MBP: variants seen among roughly 807,000 people sequenced by gnomAD.
MBP encodes myelin basic protein, also known as Golli-MBP.
In MBP, 16 loss-of-function variants were observed where a neutral mutation model predicts 35.8. That is an observed-to-expected ratio of 0.45 (90% CI 0.30 to 0.68). MBP has a LOEUF of 0.68. Ranked by LOEUF, MBP falls within the 30% of genes least tolerant of loss-of-function variation. The pLI is 0.08. For missense variants in MBP, 380 were observed against 404.7 expected, an observed-to-expected ratio of 0.94 and a Z score of 0.52; for synonymous variants, 143 against 159.6, an observed-to-expected ratio of 0.90 and a Z score of 0.78.
chr18:77,111,871 A>G (rs957270338), intron 1 of MBP, among the ~76,000 whole-genome samples: 1 of 152,238 alleles, frequency 6.6e-6, no homozygotes, highest in African/African-American at 2.4e-5. Flanking sequence ...AACAAATTTC[A>G]AAGAACAAGC....
chr18:77,092,903 G>A (rs1294417682), intron 2 of MBP, among the ~76,000 whole-genome samples: 1 of 152,162 alleles, frequency 6.6e-6, no homozygotes, highest in African/African-American at 2.4e-5. Context: ...CACCGGCCCC[G>A]CGTGCGTATT....
chr18:76,980,547 C>T (rs1223731186), intron 8 of MBP, 76 bp from the exon 9 acceptor site: 1 of 1,157,554 alleles, frequency 8.6e-7, no homozygotes, highest in African/African-American at 1.5e-5. Context: ...CTTCTGTGGT[C>T]CCGGGTGGAT....
chr18:76,998,374 G>A (rs376485304), intron 4 of MBP, among the ~76,000 whole-genome samples: 1 of 152,106 alleles, frequency 6.6e-6, no homozygotes, highest in Non-Finnish European at 1.5e-5. Context: ...CGACATCCAC[G>A]GCACCGTATG....
intron 1 of MBP, among the ~76,000 whole-genome samples, chr18:77,111,700 C>T (rs2145166962): frequency 6.6e-6 from 1 of 152,326 alleles, no homozygotes; most frequent in African/African-American, 2.4e-5. Context: ...GGAGACCACG[C>T]CCTGGCTTGG....
chr18:77,049,080 C>T (rs1045741271), intron 3 of MBP, among the ~76,000 whole-genome samples: 12 of 152,020 alleles, frequency 7.9e-5, no homozygotes, highest in African/African-American at 2.9e-4. Flanking sequence ...CCACCACGCC[C>T]GGCTAATTTT....
chr18:77,088,879 AG>A (rs1465873718), intron 2 of MBP, among the ~76,000 whole-genome samples: 1 of 152,214 alleles, frequency 6.6e-6, no homozygotes, highest in Non-Finnish European at 1.5e-5. Flanking sequence ...AATGAAGTTA[AG>A]GATCTCCAGA....
chr18:77,014,580 A>G (rs780423229), intron 4 of MBP: 112 of 985,312 alleles, frequency 1.1e-4, no homozygotes, highest in Non-Finnish European at 1.3e-4. Flanking sequence ...AATAAAAATA[A>G]AAACAAAACC....
rs975621451 is a variant in MBP at position 76,978,851 on chromosome 18, G to GT, written c.*1575dup. 8 of 152,188 alleles carry GT rather than the reference G, an allele frequency of 5.3e-5. No homozygotes were observed. The highest frequency in any genetic ancestry group is 1.9e-4 in the African/African-American group (8 of 41,492). 9.4% of individuals were successfully genotyped at this position (152,188 alleles called of 1,614,324 possible). On this transcript the variant is annotated 3_prime_UTR_variant, in exon 9 of 9. Transcript: ENST00000355994. ...ATGCAAATACCATTAAAAGTTTATT[G>GT]TTTTATTTCAATATTCAGGAACAGT...
At chr18:77,119,933 G>A (rs777716113) in intron 1 of MBP, among the ~76,000 whole-genome samples, 1 of 152,210 alleles carries the variant, frequency 6.6e-6, no homozygotes, top group Non-Finnish European at 1.5e-5. Flanking sequence ...GGCAGCCACG[G>A]GAGAGGCCTG....
intron 3 of MBP, among the ~76,000 whole-genome samples, chr18:77,052,811 T>TCCCCGAGC (rs1428085331): frequency 6.6e-6 from 1 of 151,772 alleles, no homozygotes; most frequent in Non-Finnish European, 1.5e-5. Flanking sequence ...CGGGCCTGAG[T>TCCCCGAGC]CCCCGAGCCC....
intron 2 of MBP, among the ~76,000 whole-genome samples, chr18:77,103,409 T>C (rs1483911715): frequency 6.6e-6 from 1 of 152,228 alleles, no homozygotes; most frequent in Non-Finnish European, 1.5e-5. Context: ...TGCACCACCA[T>C]CTGCCTCGAG....
intron 1 of MBP, among the ~76,000 whole-genome samples, chr18:77,107,095 C>A (rs549568793): frequency 2.6e-5 from 4 of 152,236 alleles, no homozygotes; most frequent in African/African-American, 9.6e-5. Flanking sequence ...GTTGTTTTAA[C>A]TAAATATTAA....
chr18:77,066,626 T>C (rs1395525827), intron 2 of MBP: 1 of 714,178 alleles, frequency 1.4e-6, no homozygotes, highest in Admixed American at 1.7e-5. Context: ...TATAGTTTTA[T>C]ACAAAAAAAT....
At chr18:77,045,879 G>T (rs528678951) in intron 3 of MBP, among the ~76,000 whole-genome samples, 3 of 152,282 alleles carry the variant, frequency 2.0e-5, no homozygotes, top group South Asian at 4.1e-4. Context: ...TGTCCTGCGG[G>T]AGTGTTTCCT....
At chr18:77,016,731 A>G in intron 4 of MBP, 101 bp downstream of exon 4, 1 of 1,505,568 alleles carries the variant, frequency 6.6e-7, no homozygotes, top group Non-Finnish European at 8.8e-7. Flanking sequence ...AGACAGCAAG[A>G]GGCTACGTGC....
chr18:77,053,204 C>G (rs1973577123), intron 3 of MBP, among the ~76,000 whole-genome samples: 1 of 152,194 alleles, frequency 6.6e-6, no homozygotes, highest in Non-Finnish European at 1.5e-5. Flanking sequence ...GTGGCCGCAT[C>G]TGCAGTGACA....
At position 77,123,838 on chromosome 18, in the gene MBP, G is replaced by A. The variant is rs537032263; in HGVS notation, c.-26+8742C>T. ...TCCAGGTAGCTTTGTTTTGTTTTCC[G>A]TGTGTATTGACCTCTGGAGCTTTAG... On this transcript the variant is annotated intron_variant, in intron 1 of 8. Coordinates refer to ENST00000355994, the MANE Select transcript of MBP (RefSeq NM_001025101.2). Among the ~76,000 whole-genome samples the A allele has an allele frequency of 5.3e-5, 8 of 152,336 alleles. No individual in the cohort carries two copies. The South Asian group carries it at 8.3e-4, about 16-fold the overall frequency.
intron 1 of MBP, among the ~76,000 whole-genome samples, chr18:77,121,642 C>T (rs1026082437): frequency 1.3e-5 from 2 of 152,190 alleles, no homozygotes; most frequent in Non-Finnish European, 2.9e-5. Flanking sequence ...TCATCATCTC[C>T]CTTTAAAACT....
chr18:77,061,343 G>C (rs8094060), intron 3 of MBP, among the ~76,000 whole-genome samples: 61,717 of 152,134 alleles, frequency 0.41, 15,149 homozygotes, highest in African/African-American at 0.69. Flanking sequence ...AGCTCTGTAT[G>C]CTTCAAAAAA....
Sources: gnomAD v4.1 joint callset for allele counts (sites outside exome capture counted in the v4.1 genomes callset) on GRCh38, gnomAD v4.1.1 for gene constraint, MANE v1.5 for transcripts, NCBI Gene and HGNC (gene_info 2026-07-23, HGNC 2026-07-21) for gene names.